TAB2: variants seen among roughly 807,000 people sequenced by gnomAD.
TAB2 encodes the protein TGF-beta activated kinase 1 (MAP3K7) binding protein 2, also known as TGF-beta-activated kinase 1 and MAP3K7-binding protein 2.
In TAB2, 3 loss-of-function variants were observed where a neutral mutation model predicts 65.0. That is an observed-to-expected ratio of 0.05 (90% confidence interval 0.02 to 0.12). TAB2 has a LOEUF of 0.12. Ranked by LOEUF, TAB2 falls within the 10% of genes least tolerant of loss-of-function variation. The probability of loss-of-function intolerance (pLI) is 1.00; values close to 1 mark genes in which losing one functional copy is unlikely to be tolerated. For synonymous variants in TAB2, 298 were observed against 285.1 expected (o/e 1.05, Z -0.46); for missense variants, 623 against 840.3 (o/e 0.74, Z 3.20).
intron 1 of TAB2, among the ~76,000 whole-genome samples, chr6:149,319,474 A>G (rs1481851133): frequency 1.3e-5 from 2 of 152,212 alleles, no homozygotes; most frequent in African/African-American, 4.8e-5. Context: ...AATGGGAAGA[A>G]TTGTTAGATA....
At chr6:149,268,049 C>T (rs777027850) in intron 1 of TAB2, among the ~76,000 whole-genome samples, 3 of 152,086 alleles carry the variant, frequency 2.0e-5, no homozygotes, top group Non-Finnish European at 4.4e-5. Flanking sequence ...ATATTAATAC[C>T]TCTTAGCCAA....
chr6:149,365,006 C>T (rs537890535), intron 1 of TAB2, among the ~76,000 whole-genome samples: 2 of 152,004 alleles, frequency 1.3e-5, no homozygotes, highest in South Asian at 4.2e-4. Context: ...ATAAACCGTT[C>T]CAATATGTCT....
At chr6:149,301,839 A>G (rs515295) in intron 1 of TAB2, among the ~76,000 whole-genome samples, 62,259 of 152,042 alleles carry the variant, frequency 0.41, 14,549 homozygotes, top group African/African-American at 0.65. Context: ...AAAGCTCTTG[A>G]GTTAGTCACT....
intron 1 of TAB2, among the ~76,000 whole-genome samples, chr6:149,250,417 T>C (rs1777834994): frequency 6.6e-6 from 1 of 152,134 alleles, no homozygotes; most frequent in Non-Finnish European, 1.5e-5. Context: ...ACAATTCTCC[T>C]GCCTCAACCT....
At chr6:149,259,364 CACACACACAT>C (rs1778105990) in intron 1 of TAB2, among the ~76,000 whole-genome samples, 2 of 146,956 alleles carry the variant, frequency 1.4e-5, no homozygotes, top group Non-Finnish European at 3.0e-5. Flanking sequence ...CACACACACA[CACACACACAT>C]ACACACAATC....
chr6:149,314,392 T>C (rs1250151015), upstream of TAB2, among the ~76,000 whole-genome samples: 1 of 152,200 alleles, frequency 6.6e-6, no homozygotes, highest in Non-Finnish European at 1.5e-5. Context: ...CATAAATCCC[T>C]ACCCTCCCTC....
At chr6:149,300,563 C>T (rs1468300389) in intron 1 of TAB2, among the ~76,000 whole-genome samples, 1 of 152,210 alleles carries the variant, frequency 6.6e-6, no homozygotes, top group Admixed American at 6.5e-5. Context: ...CTCTTTCCTT[C>T]AGCCTTTTCC....
intron 1 of TAB2, among the ~76,000 whole-genome samples, chr6:149,261,403 A>T (rs1778149572): frequency 6.6e-6 from 1 of 152,254 alleles, no homozygotes. Flanking sequence ...ATGAAAGCAC[A>T]GTATTTTCAT....
intron 1 of TAB2, among the ~76,000 whole-genome samples, chr6:149,297,514 A>C (rs551899933): frequency 6.6e-6 from 1 of 152,234 alleles, no homozygotes; most frequent in East Asian, 1.9e-4. Context: ...TTTTAAATAC[A>C]TATATATGCA....
At chr6:149,230,970 A>G (rs1777392268) in intron 1 of TAB2, among the ~76,000 whole-genome samples, 1 of 152,098 alleles carries the variant, frequency 6.6e-6, no homozygotes, top group Admixed American at 6.6e-5. Flanking sequence ...CATGAGAGAG[A>G]TGTGCTATGG....
At chr6:149,355,582 G>A (rs911256562) in intron 1 of TAB2, among the ~76,000 whole-genome samples, 9 of 150,844 alleles carry the variant, frequency 6.0e-5, no homozygotes, top group East Asian at 5.8e-4. Flanking sequence ...CAGGAGAATC[G>A]CTTGAACCCA....
chr6:149,293,542 T>C (rs2114696868), intron 1 of TAB2, among the ~76,000 whole-genome samples: 1 of 152,352 alleles, frequency 6.6e-6, no homozygotes, highest in East Asian at 1.9e-4. Context: ...TCCAATAGCA[T>C]TTTCCGCTGG....
At chr6:149,392,967 CTT>C (rs1231663098) in intron 3 of TAB2, among the ~76,000 whole-genome samples, 1 of 152,028 alleles carries the variant, frequency 6.6e-6, no homozygotes, top group African/African-American at 2.4e-5. Flanking sequence ...AGAGTTTCGA[CTT>C]TAGCTGAATT....
chr6:149,243,625 C>T (rs1435638628), intron 1 of TAB2: 1 of 152,196 alleles, frequency 6.6e-6, no homozygotes, highest in African/African-American at 2.4e-5. Flanking sequence ...TATTGACTTA[C>T]CTTTAGCTTT....
At chr6:149,246,347 A>G (rs965168206) in intron 1 of TAB2, 3 of 152,238 alleles carry the variant, frequency 2.0e-5, no homozygotes, top group Admixed American at 2.0e-4. Context: ...TACTTTTTAC[A>G]GGACTCTGTT....
intron 1 of TAB2, among the ~76,000 whole-genome samples, chr6:149,224,764 A>G (rs1402336456): frequency 2.0e-5 from 3 of 152,242 alleles, no homozygotes; most frequent in Non-Finnish European, 4.4e-5. Context: ...TTCAACTCGT[A>G]GTTTGATACG....
chr6:149,233,605 T>C (rs1024119055), intron 1 of TAB2, among the ~76,000 whole-genome samples: 3 of 152,196 alleles, frequency 2.0e-5, no homozygotes, highest in Non-Finnish European at 4.4e-5. Context: ...ACCAAATGAC[T>C]CATGGATCTG....
chr6:149,361,002 C>A (rs946703207), intron 1 of TAB2, among the ~76,000 whole-genome samples: 1 of 152,198 alleles, frequency 6.6e-6, no homozygotes, highest in Non-Finnish European at 1.5e-5. Flanking sequence ...CCTGTGTCTG[C>A]AGGGTTCAGC....
At chr6:149,262,466 G>C (rs1016933811) in intron 1 of TAB2, among the ~76,000 whole-genome samples, 5 of 152,052 alleles carry the variant, frequency 3.3e-5, no homozygotes, top group African/African-American at 1.2e-4. Flanking sequence ...CCAGGAGGCG[G>C]AGGTTGCAGT....
Sources: gnomAD v4.1 joint callset for allele counts (sites outside exome capture counted in the v4.1 genomes callset) on GRCh38, gnomAD v4.1.1 for gene constraint, MANE v1.5 for transcripts, NCBI Gene and HGNC (gene_info 2026-07-23, HGNC 2026-07-21) for gene names.